Variants in FANCD2OS observed in about 807,000 individuals in gnomAD.
The protein encoded by FANCD2OS is FANCD2 opposite strand protein.
Under a neutral mutation model 13.2 loss-of-function variants are expected in FANCD2OS, and 11 were observed. The observed-to-expected ratio is 0.83, with a 90% CI of 0.52 to 1.38. The LOEUF (loss-of-function observed/expected upper bound fraction) is 1.38, where lower values mean the gene tolerates loss of function less well. FANCD2OS is among the 40% of genes most tolerant of loss of function. FANCD2OS has a pLI of 0.00. For synonymous variants in FANCD2OS, 69 were observed against 84.5 expected, an observed-to-expected ratio of 0.82 and a Z score of 1.01; for missense variants, 217 against 213.9, an observed-to-expected ratio of 1.01 and a Z score of -0.09.
chr3:10,095,333 A>G (rs1244760741), intron 2 of FANCD2OS: 3 of 1,350,536 alleles, frequency 2.2e-6, no homozygotes, highest in Admixed American at 1.7e-5. Flanking sequence ...TGCAGTTGCT[A>G]TTGGGGGATC....
intron 2 of FANCD2OS, chr3:10,095,132 A>G (rs887494821): frequency 1.3e-4 from 168 of 1,324,856 alleles, no homozygotes; most frequent in Non-Finnish European, 1.6e-4. Flanking sequence ...TTTTGATTGC[A>G]AGGGTATCTT....
chr3:10,090,165 C>A (rs2125080960), intron 2 of FANCD2OS: 1 of 697,404 alleles, frequency 1.4e-6, no homozygotes, highest in Non-Finnish European at 2.6e-6. Context: ...CATCCTCTTA[C>A]TAAGGACCCT....
At chr3:10,087,532 A>C (rs1694292038) in intron 2 of FANCD2OS, among the ~76,000 whole-genome samples, 2 of 152,028 alleles carry the variant, frequency 1.3e-5, no homozygotes, top group Non-Finnish European at 2.9e-5. Flanking sequence ...CTTTTCAAAA[A>C]AAAAAAATTT....
chr3:10,105,832 G>A (rs61052895), intron 1 of FANCD2OS, among the ~76,000 whole-genome samples: 20,892 of 105,200 alleles, frequency 0.2, 2,991 homozygotes, highest in African/African-American at 0.31. Context: ...TTTGAGGTTC[G>A]CGATGTATGA....
chr3:10,104,552 G>A lies in FANCD2OS; in HGVS notation c.223C>T (p.His75Tyr), dbSNP rs1308021395. 2 of 1,614,198 alleles carry A rather than the reference G, an allele frequency of 1.2e-6. No individual in the cohort carries two copies. The highest frequency in any genetic ancestry group is 1.7e-5 in the Admixed American group (1 of 60,022). Reference sequence around the variant, plus strand: ...TTCATCGTGCGCAACTCTGATGTGTGGCAGGGTAACTTGGGACTCACTCCA... The same window carrying A: ...TTCATCGTGCGCAACTCTGATGTGTAGCAGGGTAACTTGGGACTCACTCCA... ...ESGVSPKLPC[H>Y]TSELRTMNNK... The change falls in exon 2 of 2, where the codon CAC (histidine) becomes TAC (tyrosine). Residue 75 changes from histidine to tyrosine, a missense_variant. By Grantham distance (83) the His-to-Tyr change is moderately conservative. Coordinates refer to ENST00000450660, the MANE Select transcript of FANCD2OS (RefSeq NM_001164839.2).
At chr3:10,098,757 C>T (rs768989374), downstream of FANCD2OS, 19 of 1,614,146 alleles carry the variant, frequency 1.2e-5, no homozygotes, top group Admixed American at 1.7e-5. Context: ...CAGGAGAGCA[C>T]AGCAGATGAG....
At chr3:10,093,547 C>T (rs1175425784) in intron 2 of FANCD2OS, among the ~76,000 whole-genome samples, 1 of 152,178 alleles carries the variant, frequency 6.6e-6, no homozygotes, top group Non-Finnish European at 1.5e-5. Context: ...AATCTTAGTA[C>T]TAGGAGGAAT....
intron 1 of FANCD2OS, among the ~76,000 whole-genome samples, chr3:10,105,768 AAAATTATATATATAT>A (rs1695465817): frequency 1.9e-5 from 1 of 51,406 alleles, no homozygotes; most frequent in African/African-American, 2.1e-4. Context: ...AAAAAAAAAA[AAAATTATATATATAT>A]ATATATATAT....
chr3:10,092,178 C>T, intron 2 of FANCD2OS: 2 of 1,612,792 alleles, frequency 1.2e-6, no homozygotes, highest in Non-Finnish European at 1.7e-6. Context: ...TTGGCTGCCC[C>T]AGATTCATGA....
intron 2 of FANCD2OS, among the ~76,000 whole-genome samples, chr3:10,095,912 C>T (rs561448636): frequency 3.5e-5 from 5 of 141,356 alleles, no homozygotes; most frequent in East Asian, 2.0e-4. Flanking sequence ...GACGGAGTCT[C>T]GCTTTGTAGC....
intron 2 of FANCD2OS, among the ~76,000 whole-genome samples, chr3:10,087,767 G>C (rs1182298256): frequency 6.6e-6 from 1 of 152,128 alleles, no homozygotes; most frequent in African/African-American, 2.4e-5. Context: ...TCCTGCCTCA[G>C]CCTTTCAAGT....
rs771078251 is a variant in FANCD2OS, at chr3:10,090,314, C to T, written c.*44-8783G>A. On this transcript the variant is annotated intron_variant, in intron 2 of 2. Coordinates refer to the FANCD2OS transcript ENST00000524279. ...TAGGCATACTTTTGTTGTTTTCTTC[C>T]GTGTGATGATGGCTGAACTAGAGAA... 6.2e-6 allele frequency: 10 copies of T among 1,613,324 alleles called. No homozygotes were observed. The highest frequency in any genetic ancestry group is 7.6e-6 in the Non-Finnish European group (9 of 1,179,764).
Position 10,089,239 on chromosome 3 carries a change from C to T in FANCD2OS, c.*44-7708G>A, listed in dbSNP as rs889630027. Among the ~76,000 whole-genome samples, 16 of 151,652 alleles carry T rather than the reference C, an allele frequency of 1.1e-4. No homozygotes were observed. The South Asian group carries it at 2.3e-3, about 22-fold the overall frequency. On this transcript the variant is annotated intron_variant, in intron 2 of 2. Transcript: ENST00000524279. The stretch of plus-strand genomic sequence containing the variant: ...GGCGGAGGTTGCAGTGAGCCGGGAT[C>T]GCGCCACTGCACTCCAGCCTGGGCA...
At chr3:10,084,051 TG>T (rs1455604630) in intron 2 of FANCD2OS, among the ~76,000 whole-genome samples, 1 of 151,632 alleles carries the variant, frequency 6.6e-6, no homozygotes, top group African/African-American at 2.4e-5. Context: ...TGGAGTGCAG[TG>T]GCGCGATCTC....
Position 10,104,385 on chromosome 3 carries a change from A to C in FANCD2OS, c.390T>G (p.Ile130Met). 1.2e-6 allele frequency: 2 copies of C among 1,614,132 alleles called. No homozygotes were observed. The highest frequency in any genetic ancestry group is 1.7e-6 in the Non-Finnish European group (2 of 1,180,018). Residue 130 changes from isoleucine (I) to methionine (M), a missense_variant, in exon 2 of 2, where the codon ATT (isoleucine) becomes ATG (methionine). Ile to Met is a conservative substitution (Grantham distance 10). Transcript: ENST00000450660. ...CAATGGGCCACTGGTGCTCCCTGCTAATGATTTTGCAAAAGGCTGACTTGT... is the reference window on the plus strand; with the variant it reads ...CAATGGGCCACTGGTGCTCCCTGCTCATGATTTTGCAAAAGGCTGACTTGT... ...VSDKSAFCKI[I>M]SREHQWPIGL... is the part of the protein sequence containing the mutation.
chr3:10,086,022 G>T, intron 2 of FANCD2OS: 1 of 793,234 alleles, frequency 1.3e-6, no homozygotes, highest in East Asian at 2.5e-5. Flanking sequence ...TTCAGTAGTT[G>T]TAAAGGAAAT....
downstream of FANCD2OS, chr3:10,101,074 A>C: frequency 1.2e-6 from 1 of 819,374 alleles, no homozygotes; most frequent in Non-Finnish European, 2.0e-6. Flanking sequence ...TTAAAAAAAA[A>C]AAAAAGTTTT....
At chr3:10,088,114 G>T (rs1694342628) in intron 2 of FANCD2OS, among the ~76,000 whole-genome samples, 1 of 152,130 alleles carries the variant, frequency 6.6e-6, no homozygotes, top group Non-Finnish European at 1.5e-5. Flanking sequence ...ACTGCTATTG[G>T]CCAGCCCAGG....
downstream of FANCD2OS, chr3:10,099,130 G>A (rs974324358): frequency 6.8e-7 from 1 of 1,479,890 alleles, no homozygotes; most frequent in African/African-American, 1.4e-5. Context: ...AGTCATCGAA[G>A]TATTTTCTGA....
Sources: gnomAD v4.1 joint callset for allele counts (sites outside exome capture counted in the v4.1 genomes callset) on GRCh38, gnomAD v4.1.1 for gene constraint, MANE v1.5 for transcripts, NCBI Gene and HGNC (gene_info 2026-07-23, HGNC 2026-07-21) for gene names.